Variants in POPDC1 observed in about 807,000 individuals in gnomAD.
POPDC1 encodes the protein popeye domain cAMP effector 1, also known as popeye domain-containing protein 1.
chr6:105,102,060 A>G, the POPDC1 span, among the ~76,000 whole-genome samples: 1 of 152,140 alleles, frequency 6.6e-6, no homozygotes, highest in Admixed American at 6.5e-5. Context: ...AGTCACCACC[A>G]TCACTGTCAG....
chr6:105,126,353 G>T, the POPDC1 span, among the ~76,000 whole-genome samples: 177 of 151,742 alleles, frequency 1.2e-3, 5 homozygotes, highest in East Asian at 0.031. Context: ...GATTACTTGA[G>T]CCCAGAAGTT....
chr6:105,103,676 C>A, the POPDC1 span, among the ~76,000 whole-genome samples: 1 of 152,110 alleles, frequency 6.6e-6, no homozygotes, highest in Non-Finnish European at 1.5e-5. Flanking sequence ...CAGAAACATA[C>A]CCAGTTTATT....
the POPDC1 span, among the ~76,000 whole-genome samples, chr6:105,119,184 C>CAAAAA: frequency 9.0e-6 from 1 of 111,262 alleles, no homozygotes; most frequent in African/African-American, 3.7e-5. Flanking sequence ...GACTCCCTCT[C>CAAAAA]AAAAAAAAAA....
chr6:105,120,690 C>A, the POPDC1 span, among the ~76,000 whole-genome samples: 14 of 152,298 alleles, frequency 9.2e-5, no homozygotes, highest in African/African-American at 2.9e-4. Context: ...AGATTCCAAA[C>A]CAATTCTACA....
At chr6:105,105,319 G>A in the POPDC1 span, among the ~76,000 whole-genome samples, 5 of 152,092 alleles carry the variant, frequency 3.3e-5, no homozygotes, top group Admixed American at 6.6e-5. Flanking sequence ...CCAACCCCTC[G>A]CTTGGAATTA....
At chr6:105,123,621 C>A in the POPDC1 span, among the ~76,000 whole-genome samples, 30 of 152,186 alleles carry the variant, frequency 2.0e-4, no homozygotes, top group African/African-American at 7.2e-4. Flanking sequence ...AGGATGGTCT[C>A]GATCTCCTGA....
chr6:105,114,626 G>A, the POPDC1 span, among the ~76,000 whole-genome samples: 2 of 152,294 alleles, frequency 1.3e-5, no homozygotes, highest in South Asian at 4.1e-4. Context: ...TATTTCATAT[G>A]AATTTGTTCA....
At chr6:105,134,579 T>C in the POPDC1 span, among the ~76,000 whole-genome samples, 1 of 152,186 alleles carries the variant, frequency 6.6e-6, no homozygotes, top group Admixed American at 6.5e-5. Flanking sequence ...AATAAGGTCA[T>C]GCAATTAATC....
chr6:105,129,407 A>G, the POPDC1 span: 5 of 1,611,946 alleles, frequency 3.1e-6, no homozygotes, highest in Non-Finnish European at 4.2e-6. Flanking sequence ...AAGATACGAC[A>G]GATGCAAAAT....
the POPDC1 span, among the ~76,000 whole-genome samples, chr6:105,123,024 T>G: frequency 2.0e-5 from 3 of 152,240 alleles, no homozygotes; most frequent in Admixed American, 1.3e-4. Context: ...TGATAAAAAC[T>G]AAACTGTATG....
At chr6:105,126,762 T>C in the POPDC1 span, among the ~76,000 whole-genome samples, 1 of 152,242 alleles carries the variant, frequency 6.6e-6, no homozygotes, top group Admixed American at 6.5e-5. Context: ...AATTACTTAA[T>C]GCACCAATAT....
chr6:105,102,910 C>A, the POPDC1 span, among the ~76,000 whole-genome samples: 2 of 152,162 alleles, frequency 1.3e-5, no homozygotes, highest in African/African-American at 4.8e-5. Flanking sequence ...CAGACATTTA[C>A]AGCAAAAATA....
chr6:105,109,763 CAAA>C, the POPDC1 span, among the ~76,000 whole-genome samples: 8 of 22,870 alleles, frequency 3.5e-4, no homozygotes, highest in South Asian at 3.5e-3. Flanking sequence ...GACCCTTTCT[CAAA>C]AAAAAAAAAA....
the POPDC1 span, among the ~76,000 whole-genome samples, chr6:105,128,104 T>C: frequency 9.9e-3 from 1,504 of 152,356 alleles, 29 homozygotes; most frequent in African/African-American, 0.034. Context: ...AAAGGTTTTT[T>C]TGAGCACCTA....
the POPDC1 span, among the ~76,000 whole-genome samples, chr6:105,109,221 G>C: frequency 6.6e-6 from 1 of 152,164 alleles, no homozygotes; most frequent in Non-Finnish European, 1.5e-5. Context: ...GCCTCCCAAA[G>C]TGCGGGGACT....
At chr6:105,115,821 T>C in the POPDC1 span, 2 of 1,613,510 alleles carry the variant, frequency 1.2e-6, no homozygotes, top group Admixed American at 1.7e-5. Flanking sequence ...TCCAGCTTTT[T>C]GGCTTTCTAC....
the POPDC1 span, chr6:105,136,196 A>AT: frequency 6.6e-6 from 1 of 152,250 alleles, no homozygotes; most frequent in South Asian, 2.1e-4. Context: ...GGCAAATGGC[A>AT]TTACATTGCT....
At chr6:105,097,326 G>A in the POPDC1 span, 5 of 152,238 alleles carry the variant, frequency 3.3e-5, no homozygotes, top group Non-Finnish European at 5.9e-5. Flanking sequence ...AGGAAACCAA[G>A]GCATGCCAGG....
chr6:105,115,946 T>C, the POPDC1 span: 2 of 934,856 alleles, frequency 2.1e-6, no homozygotes, highest in South Asian at 2.2e-5. Flanking sequence ...GAATACCTGA[T>C]ACATATTAGG....
Sources: gnomAD v4.1 joint callset for allele counts (sites outside exome capture counted in the v4.1 genomes callset) on GRCh38, gnomAD v4.1.1 for gene constraint, MANE v1.5 for transcripts, NCBI Gene and HGNC (gene_info 2026-07-23, HGNC 2026-07-21) for gene names.